Variants in EXD3 observed in about 807,000 individuals in gnomAD.
EXD3 encodes the protein exonuclease 3'-5' domain containing 3, also known as exonuclease mut-7 homolog.
In EXD3, 92 loss-of-function variants were observed where a neutral mutation model predicts 98.0. The observed-to-expected ratio is 0.94, with a 90% CI of 0.79 to 1.12. The LOEUF is 1.12. EXD3 is among the 50% of genes most tolerant of loss of function. The pLI, the probability that EXD3 is intolerant of heterozygous loss-of-function variation, is 0.00. For missense variants in EXD3, 1,222 were observed against 1,191.6 expected (o/e 1.03, Z -0.38); for synonymous variants, 569 against 526.0 (o/e 1.08, Z -1.12).
intron 19 of EXD3, among the ~76,000 whole-genome samples, chr9:137,315,156 G>C (rs1043618068): frequency 6.6e-6 from 1 of 152,186 alleles, no homozygotes; most frequent in African/African-American, 2.4e-5. Context: ...CTGGCAGTGG[G>C]TCACCATGCG....
At chr9:137,369,194 A>G (rs1197816866) in intron 5 of EXD3, among the ~76,000 whole-genome samples, 1 of 132,674 alleles carries the variant, frequency 7.5e-6, no homozygotes, top group Non-Finnish European at 1.6e-5. Context: ...GGGGAGGGGC[A>G]CGGGGCCACC....
chr9:137,354,234 G>T, intron 10 of EXD3, 105 bp downstream of exon 10: 1 of 1,520,368 alleles, frequency 6.6e-7, no homozygotes, highest in Non-Finnish European at 8.9e-7. Flanking sequence ...CAGCCCCAGC[G>T]AAGGCCTCAG....
chr9:137,319,682 T>C (rs1831922445), intron 19 of EXD3, among the ~76,000 whole-genome samples: 1 of 152,188 alleles, frequency 6.6e-6, no homozygotes, highest in Non-Finnish European at 1.5e-5. Flanking sequence ...GACCCTGGGC[T>C]GTGGGCATTG....
Position 137,374,230 on chromosome 9 carries a change from G to A in EXD3, c.121-631C>T, listed in dbSNP as rs550149951. On this transcript the variant is annotated intron_variant, in intron 3 of 21. Transcript: ENST00000340951. ...ATAACGACTGCTTGCAGGTCATTCC[G>A]CAGGTAGAATCTTAACAGCTAAAGG... 7.9e-5 allele frequency among the ~76,000 whole-genome samples: 12 copies of A among 152,362 alleles called. No individual in the cohort carries two copies. In the East Asian group the frequency reaches 1.7e-3, roughly 22 times the overall value.
intron 1 of EXD3, among the ~76,000 whole-genome samples, chr9:137,419,921 A>G (rs1409509411): frequency 6.6e-6 from 1 of 152,196 alleles, no homozygotes; most frequent in Admixed American, 6.5e-5. Context: ...GCACTTTGGG[A>G]GGCCAAGGCG....
rs1179318146 is a variant in EXD3 at position 137,420,741 on chromosome 9, C to G, written c.-48+2373G>C. Among the ~76,000 whole-genome samples, 3 of 146,884 alleles carry G rather than the reference C, an allele frequency of 2.0e-5. No individual in the cohort carries two copies. The East Asian group carries it at 6.0e-4, about 30-fold the overall frequency. On this transcript the variant is annotated intron_variant, in intron 1 of 21. Coordinates refer to ENST00000340951, the MANE Select transcript of EXD3 (RefSeq NM_017820.5). ...GGACCTGGAGGACAGACATTCACCC[C>G]CCCCCCCAAATTCATACAGGTATTA...
intron 17 of EXD3, among the ~76,000 whole-genome samples, chr9:137,346,582 C>G (rs1404717470): frequency 6.6e-6 from 1 of 152,300 alleles, no homozygotes; most frequent in African/African-American, 2.4e-5. Flanking sequence ...CGTATTTCCA[C>G]AGATGGTCAG....
intron 10 of EXD3, chr9:137,353,975 G>T (rs551392561): frequency 1.8e-6 from 2 of 1,091,984 alleles, no homozygotes; most frequent in Admixed American, 1.0e-4. Context: ...GCACCGGGCT[G>T]GGGGGGCCTG....
chr9:137,364,770 G>GATGTT (rs530653079), intron 7 of EXD3, among the ~76,000 whole-genome samples: 1 of 132,130 alleles, frequency 7.6e-6, no homozygotes, highest in Non-Finnish European at 1.6e-5. Flanking sequence ...TTTGTTCTAT[G>GATGTT]TTTTTTTTTT....
chr9:137,351,179 C>T (rs1363721534), intron 13 of EXD3, 32 bp from the exon 14 acceptor site: 76 of 1,551,776 alleles, frequency 4.9e-5, no homozygotes, highest in Non-Finnish European at 6.4e-5. Context: ...GGAGGGGCGC[C>T]TGCAGGCAGG....
At chr9:137,397,046 C>G (rs189342089) in intron 1 of EXD3, among the ~76,000 whole-genome samples, 88 of 152,324 alleles carry the variant, frequency 5.8e-4, no homozygotes, top group African/African-American at 1.9e-3. Flanking sequence ...GGAGGACCCC[C>G]GAGCCTCCCA....
intron 1 of EXD3, among the ~76,000 whole-genome samples, chr9:137,420,739 C>A (rs943105868): frequency 1.5e-5 from 2 of 134,890 alleles, no homozygotes; most frequent in Non-Finnish European, 3.2e-5. Context: ...AGACATTCAC[C>A]CCCCCCCCCA....
intron 1 of EXD3, among the ~76,000 whole-genome samples, chr9:137,421,976 GA>G (rs1838543503): frequency 6.6e-6 from 1 of 152,026 alleles, no homozygotes; most frequent in African/African-American, 2.4e-5. Flanking sequence ...TTACTTCTGA[GA>G]AAATTAAAAT....
At chr9:137,410,752 G>A (rs1564218748) in intron 1 of EXD3, among the ~76,000 whole-genome samples, 6 of 152,190 alleles carry the variant, frequency 3.9e-5, no homozygotes, top group Admixed American at 3.3e-4. Flanking sequence ...ACCCACGGGG[G>A]ACGTGCCTGA....
intron 7 of EXD3, among the ~76,000 whole-genome samples, chr9:137,359,656 T>C (rs532069165): frequency 1.2e-5 from 1 of 86,072 alleles, no homozygotes; most frequent in Non-Finnish European, 2.9e-5. Flanking sequence ...TTGCCCGATT[T>C]TGAACTTGAT....
rs1389657231 is a variant in EXD3, at chr9:137,383,310, C to T, written c.120+3G>A. ...GCACGTGGTGGCTGCCACGTCCACT[C>T]ACCTGCTTCCGCTCCCGCGTGGACC... On this transcript the variant is annotated splice_donor_region_variant and intron_variant, in intron 3 of 21. Transcript: ENST00000340951. 3.2e-6 allele frequency: 5 copies of T among 1,549,492 alleles called. No homozygotes were observed. The highest frequency in any genetic ancestry group is 2.4e-5 in the East Asian group (1 of 40,906).
chr9:137,317,185 G>A (rs1207722740), intron 19 of EXD3, among the ~76,000 whole-genome samples: 1 of 152,158 alleles, frequency 6.6e-6, no homozygotes, highest in East Asian at 1.9e-4. Flanking sequence ...GGGCAGGGGA[G>A]GCGGCCCCAG....
chr9:137,334,743 A>C (rs1207118015), intron 17 of EXD3, among the ~76,000 whole-genome samples: 2 of 152,216 alleles, frequency 1.3e-5, no homozygotes, highest in Non-Finnish European at 2.9e-5. Flanking sequence ...GACCTAATTC[A>C]ACTAAAAAGC....
At position 137,351,518 on chromosome 9, in the gene EXD3, A is replaced by G; in HGVS notation, c.1184T>C (p.Val395Ala). 1 of 1,586,954 alleles carries G rather than the reference A, an allele frequency of 6.3e-7. No homozygotes were observed. Among genetic ancestry groups the G allele is most frequent in the East Asian group, 2.3e-5 (1 of 43,278 alleles). ...HEGALLQCHQ[V>A]VGVDVEWTPV... The stretch of plus-strand genomic sequence containing the variant: ...TGTCCACTCCACGTCTACACCAACC[A>G]CTTGGTGGCACTGCGGGCAGAGAGG... Residue 395 changes from valine to alanine, a missense_variant, in exon 13 of 22, where the codon GTG becomes GCG. Physicochemically the swap from Val to Ala is moderately conservative, Grantham distance 64 (BLOSUM62 0). Transcript: ENST00000340951.
Sources: allele counts gnomAD v4.1 joint callset (sites outside exome capture counted in the v4.1 genomes callset), GRCh38; gene constraint gnomAD v4.1.1; transcripts MANE v1.5; gene names NCBI Gene and HGNC (gene_info 2026-07-23, HGNC 2026-07-21).